Variants in LRIG1 observed in about 807,000 individuals in gnomAD.
LRIG1 encodes leucine rich repeats and immunoglobulin like domains 1.
LRIG1 carries 48 observed loss-of-function variants against 99.2 expected under a neutral mutation model. The ratio of observed to expected loss-of-function variants is 0.48; its 90% CI spans 0.38 to 0.62. The LOEUF is 0.62. Among genes scored for constraint, LRIG1 ranks in the 20% least tolerant of loss-of-function variants. LRIG1 has a pLI of 0.00. For synonymous variants in LRIG1, 772 were observed against 596.1 expected (o/e 1.29, Z -4.30); for missense variants, 1,646 against 1,434.4 (o/e 1.15, Z -2.38).
At chr3:66,429,976 A>T (rs546706019) in intron 3 of LRIG1, among the ~76,000 whole-genome samples, 1 of 152,230 alleles carries the variant, frequency 6.6e-6, no homozygotes, top group Non-Finnish European at 1.5e-5. Flanking sequence ...GTAGAATATA[A>T]ACCGCACACC....
intron 1 of LRIG1, among the ~76,000 whole-genome samples, chr3:66,495,422 A>T (rs1701203987): frequency 6.6e-6 from 1 of 152,204 alleles, no homozygotes; most frequent in Admixed American, 6.5e-5. Context: ...GTCACTGAGG[A>T]GGGGGAACGT....
At chr3:66,420,403 A>T (rs1406002776) in intron 3 of LRIG1, among the ~76,000 whole-genome samples, 2 of 152,258 alleles carry the variant, frequency 1.3e-5, no homozygotes, top group African/African-American at 4.8e-5. Flanking sequence ...AGAAGACATT[A>T]TGGAGATTCC....
intron 12 of LRIG1, 109 bp downstream of exon 12, chr3:66,393,931 C>CACGGGGGAGGAAGTTGATGCA (rs1701725559): frequency 8.4e-7 from 1 of 1,184,848 alleles, no homozygotes. Flanking sequence ...GATCTGTAAC[C>CACGGGGGAGGAAGTTGATGCA]ACGGGCTGGG....
intron 6 of LRIG1, among the ~76,000 whole-genome samples, chr3:66,412,052 G>A (rs1257666593): frequency 6.6e-6 from 1 of 152,136 alleles, no homozygotes; most frequent in Non-Finnish European, 1.5e-5. Context: ...GTTTAAAAAG[G>A]CTTTCAACGT....
At chr3:66,419,411 C>T (rs17044499) in intron 3 of LRIG1, among the ~76,000 whole-genome samples, 16,403 of 152,196 alleles carry the variant, frequency 0.11, 2,046 homozygotes, top group East Asian at 0.69. Flanking sequence ...TGGGAAAGTT[C>T]CCCATTTGGC....
chr3:66,497,186 C>T (rs1049017501), intron 1 of LRIG1, among the ~76,000 whole-genome samples: 16 of 152,330 alleles, frequency 1.1e-4, no homozygotes, highest in Admixed American at 2.6e-4. Context: ...TTCCTCTAGG[C>T]CTGCCTTCCT....
Position 66,381,459 on chromosome 3 carries a change from C to A in LRIG1, c.2770+20G>T, listed in dbSNP as rs900590998. ...TTCCATTTCAGAAAGAAACTACTTC[C>A]AATGGGAAGCATCTCATACCCATCT... is the stretch of plus-strand genomic sequence containing the variant. On this transcript the variant is annotated intron_variant, in intron 17 of 18. Coordinates refer to ENST00000273261, the MANE Select transcript of LRIG1 (RefSeq NM_015541.3). The A allele has an allele frequency of 3.1e-6, 5 of 1,599,484 alleles. No homozygotes were observed. In the African/African-American group the frequency reaches 4.0e-5, roughly 13 times the overall value.
At chr3:66,383,893 C>T in intron 14 of LRIG1, 98 bp downstream of exon 14, 1 of 1,493,380 alleles carries the variant, frequency 6.7e-7, no homozygotes, top group Non-Finnish European at 9.0e-7. Flanking sequence ...TCGAAAGGCC[C>T]ACAACGCATA....
At position 66,382,292 on chromosome 3, in the gene LRIG1, A is replaced by G. The variant is rs770715229; in HGVS notation, c.2598T>C (p.Asn866=). Residue 866 remains asparagine, a synonymous_variant, in exon 16 of 19, where the codon AAT becomes AAC. Coordinates refer to ENST00000273261, the MANE Select transcript of LRIG1 (RefSeq NM_015541.3). ...VVRTEGGPQA[N]GHIESNGVCP... ...CCTTACCATTGCTCTCAATGTGCCC[A>G]TTGGCCTGAGGGCCACCCTCGGTCC... The G allele has an allele frequency of 6.2e-7, 1 of 1,614,168 alleles. No individual in the cohort carries two copies. The highest frequency in any genetic ancestry group is 1.7e-5 in the Admixed American group (1 of 60,020).
intron 3 of LRIG1, among the ~76,000 whole-genome samples, chr3:66,420,479 G>T (rs1036181026): frequency 6.6e-6 from 1 of 152,172 alleles, no homozygotes; most frequent in Non-Finnish European, 1.5e-5. Flanking sequence ...CTAAATAACT[G>T]AAAGCAGACC....
In LRIG1 at chr3:66,386,054, C is replaced by G; in HGVS notation, c.1716G>C (p.Glu572Asp). The change falls in exon 13 of 19, where the codon GAG becomes GAC. Residue 572 changes from glutamate (E) to aspartate (D), a missense_variant. Glu to Asp is a conservative substitution (Grantham distance 45). Transcript: ENST00000273261. ...TGGTGATGACACATTGGTAGCGGCCCTCGTGCCCGAAAGTGACCTGACGGA... is the reference window on the plus strand; with the variant it reads ...TGGTGATGACACATTGGTAGCGGCCGTCGTGCCCGAAAGTGACCTGACGGA... Reference protein sequence around the residue: ...LHLRQVTFGHEGRYQCVITNH... With the variant: ...LHLRQVTFGHDGRYQCVITNH... The G allele has an allele frequency of 6.2e-7, 1 of 1,614,174 alleles. No individual in the cohort carries two copies.
chr3:66,389,314 T>G (rs1310733886), intron 12 of LRIG1, among the ~76,000 whole-genome samples: 1 of 151,656 alleles, frequency 6.6e-6, no homozygotes, highest in Non-Finnish European at 1.5e-5. Flanking sequence ...GGAAAAACAA[T>G]GAAACAAAAA....
chr3:66,435,868 G>A (rs1319756382), intron 3 of LRIG1, among the ~76,000 whole-genome samples: 8 of 151,938 alleles, frequency 5.3e-5, no homozygotes, highest in African/African-American at 9.7e-5. Flanking sequence ...TGGCATTCAC[G>A]GTGGAATCAG....
chr3:66,450,002 G>A (rs939940590), intron 3 of LRIG1, among the ~76,000 whole-genome samples: 1 of 152,232 alleles, frequency 6.6e-6, no homozygotes, highest in African/African-American at 2.4e-5. Context: ...GCAGCAAGGA[G>A]CTCCTAGCAT....
chr3:66,421,260 A>C (rs1329858396), intron 3 of LRIG1, among the ~76,000 whole-genome samples: 1 of 152,158 alleles, frequency 6.6e-6, no homozygotes, highest in Non-Finnish European at 1.5e-5. Flanking sequence ...AGTCCCCCAA[A>C]GTCTTAACTC....
At chr3:66,425,867 G>C (rs1353528014) in intron 3 of LRIG1, among the ~76,000 whole-genome samples, 1 of 152,258 alleles carries the variant, frequency 6.6e-6, no homozygotes, top group Admixed American at 6.5e-5. Flanking sequence ...TTCAAAGGCG[G>C]AAAGCAGGCA....
chr3:66,467,115 T>G (rs1700489935), intron 1 of LRIG1, among the ~76,000 whole-genome samples: 1 of 152,142 alleles, frequency 6.6e-6, no homozygotes, highest in African/African-American at 2.4e-5. Context: ...CAGGCGTGTC[T>G]GAAAAGCAAA....
intron 2 of LRIG1, among the ~76,000 whole-genome samples, chr3:66,459,846 C>T (rs548316153): frequency 6.6e-6 from 1 of 152,072 alleles, no homozygotes; most frequent in Admixed American, 6.5e-5. Context: ...TCATGATGAA[C>T]AAAATATGAA....
intron 3 of LRIG1, 138 bp downstream of exon 3, chr3:66,451,421 A>C (rs1030054861): frequency 1.0e-5 from 7 of 676,554 alleles, no homozygotes; most frequent in Admixed American, 2.6e-5. Context: ...TGTCATGATC[A>C]TGAGGGCCAC....
Sources: gnomAD v4.1 joint callset for allele counts (sites outside exome capture counted in the v4.1 genomes callset) on GRCh38, gnomAD v4.1.1 for gene constraint, MANE v1.5 for transcripts, NCBI Gene and HGNC (gene_info 2026-07-23, HGNC 2026-07-21) for gene names.